Variants in PDE4B observed in about 807,000 individuals in gnomAD.
The protein encoded by PDE4B is phosphodiesterase 4B, also known as 3',5'-cyclic-AMP phosphodiesterase 4B.
PDE4B carries 20 observed loss-of-function variants against 82.2 expected under a neutral mutation model. The observed-to-expected ratio is 0.24, with a 90% confidence interval of 0.17 to 0.35. The LOEUF (loss-of-function observed/expected upper bound fraction) is 0.35, where lower values mean the gene tolerates loss of function less well. Ranked by LOEUF, PDE4B falls within the 10% of genes least tolerant of loss-of-function variation. The pLI, the probability that PDE4B is intolerant of heterozygous loss-of-function variation, is 1.00. For missense variants in PDE4B, 655 were observed against 907.2 expected (o/e 0.72, Z 3.57); for synonymous variants, 320 against 318.9 (o/e 1.00, Z -0.04).
intron 3 of PDE4B, among the ~76,000 whole-genome samples, chr1:66,076,953 A>T (rs1057148129): frequency 2.7e-5 from 4 of 149,536 alleles, no homozygotes; most frequent in Non-Finnish European, 6.0e-5. Flanking sequence ...ACTTTCCCTT[A>T]TTCTGTAAGT....
intron 3 of PDE4B, among the ~76,000 whole-genome samples, chr1:65,942,916 T>C (rs890912094): frequency 6.6e-6 from 1 of 152,054 alleles, no homozygotes; most frequent in African/African-American, 2.4e-5. Flanking sequence ...ATTAATCCCT[T>C]ATCAGCTGTG....
intron 1 of PDE4B, among the ~76,000 whole-genome samples, chr1:65,854,181 G>T (rs1646365856): frequency 6.6e-6 from 1 of 151,252 alleles, no homozygotes; most frequent in Admixed American, 6.6e-5. Flanking sequence ...AAGACTGTAT[G>T]TTTTGCTTAT....
At chr1:65,973,239 A>G (rs532024148) in intron 3 of PDE4B, among the ~76,000 whole-genome samples, 2 of 152,240 alleles carry the variant, frequency 1.3e-5, no homozygotes, top group South Asian at 2.1e-4. Flanking sequence ...ATGAATGTAG[A>G]TTTACTAATG....
At chr1:66,268,363 C>G (rs1655204075) in intron 7 of PDE4B, among the ~76,000 whole-genome samples, 1 of 152,092 alleles carries the variant, frequency 6.6e-6, no homozygotes, top group Admixed American at 6.5e-5. Context: ...CAAAGGAAAG[C>G]TCTCCATTTG....
chr1:65,878,462 C>T (rs1009096733), intron 1 of PDE4B, among the ~76,000 whole-genome samples: 1 of 152,154 alleles, frequency 6.6e-6, no homozygotes, highest in Non-Finnish European at 1.5e-5. Context: ...TTTACAATTG[C>T]AAATACTTGG....
At chr1:66,036,351 G>A (rs1379302825) in intron 3 of PDE4B, among the ~76,000 whole-genome samples, 1 of 151,968 alleles carries the variant, frequency 6.6e-6, no homozygotes, top group Non-Finnish European at 1.5e-5. Context: ...GTCTATTTTT[G>A]CTTTTATTGC....
At chr1:66,103,583 A>C (rs1347661885) in intron 3 of PDE4B, among the ~76,000 whole-genome samples, 1 of 152,156 alleles carries the variant, frequency 6.6e-6, no homozygotes, top group Non-Finnish European at 1.5e-5. Flanking sequence ...ACATCATGGC[A>C]ATCCTTTTAA....
intron 3 of PDE4B, among the ~76,000 whole-genome samples, chr1:66,162,605 T>C (rs1276632790): frequency 6.6e-6 from 1 of 152,120 alleles, no homozygotes; most frequent in Non-Finnish European, 1.5e-5. Flanking sequence ...TTTTGGATTT[T>C]TTTTCAGGTA....
At chr1:66,266,375 G>A (rs967957195) in intron 7 of PDE4B, among the ~76,000 whole-genome samples, 1 of 152,240 alleles carries the variant, frequency 6.6e-6, no homozygotes, top group African/African-American at 2.4e-5. Context: ...AGACAGAGTT[G>A]TATTGACAGT....
intron 3 of PDE4B, among the ~76,000 whole-genome samples, chr1:66,000,777 A>C (rs761247685): frequency 1.4e-4 from 22 of 152,194 alleles, no homozygotes; most frequent in Admixed American, 7.2e-4. Context: ...CTCAAAACTC[A>C]GCTTTATTGC....
At chr1:65,957,345 TTCTC>T (rs1348300359) in intron 3 of PDE4B, among the ~76,000 whole-genome samples, 1 of 152,132 alleles carries the variant, frequency 6.6e-6, no homozygotes, top group African/African-American at 2.4e-5. Flanking sequence ...TGACTGATCT[TTCTC>T]TCAGTAATTT....
chr1:66,274,848 A>G (rs182613532), intron 7 of PDE4B, among the ~76,000 whole-genome samples: 199 of 152,306 alleles, frequency 1.3e-3, no homozygotes, highest in Admixed American at 2.7e-3. Context: ...TCAGTAGAGA[A>G]CCACAACAGA....
intron 6 of PDE4B, among the ~76,000 whole-genome samples, chr1:66,261,329 C>A (rs535166265): frequency 6.6e-6 from 1 of 152,210 alleles, no homozygotes; most frequent in African/African-American, 2.4e-5. Flanking sequence ...ATGGATACAA[C>A]ATACAGAAAG....
intron 7 of PDE4B, among the ~76,000 whole-genome samples, chr1:66,273,459 G>GAT (rs1655655080): frequency 6.6e-6 from 1 of 152,348 alleles, no homozygotes; most frequent in Admixed American, 6.5e-5. Context: ...CCTGGGCCCT[G>GAT]ATATATACTA....
intron 3 of PDE4B, among the ~76,000 whole-genome samples, chr1:65,972,038 T>C (rs1461789790): frequency 1.3e-5 from 2 of 152,224 alleles, no homozygotes; most frequent in Non-Finnish European, 2.9e-5. Context: ...AATAACATCA[T>C]TTTTCCTAGG....
intron 3 of PDE4B, among the ~76,000 whole-genome samples, chr1:66,209,508 C>T (rs1392592163): frequency 1.3e-5 from 2 of 152,116 alleles, no homozygotes; most frequent in African/African-American, 2.4e-5. Flanking sequence ...CCCACCAGCA[C>T]GTAATTTTTA....
At chr1:66,303,091 C>CTAA (rs1557688892) in intron 7 of PDE4B, among the ~76,000 whole-genome samples, 1 of 152,074 alleles carries the variant, frequency 6.6e-6, no homozygotes, top group Non-Finnish European at 1.5e-5. Context: ...TACTTATTCA[C>CTAA]GAGTCATTCA....
At chr1:66,032,597 A>G (rs925524788) in intron 3 of PDE4B, among the ~76,000 whole-genome samples, 1 of 151,940 alleles carries the variant, frequency 6.6e-6, no homozygotes, top group Non-Finnish European at 1.5e-5. Flanking sequence ...ACTTTATTCC[A>G]TTGAGGGTAG....
At chr1:66,193,860 A>C (rs1349805195) in intron 3 of PDE4B, among the ~76,000 whole-genome samples, 1 of 152,102 alleles carries the variant, frequency 6.6e-6, no homozygotes, top group Non-Finnish European at 1.5e-5. Flanking sequence ...TGATAGAGTC[A>C]CTGAGCTGGA....
Sources: gnomAD v4.1 joint callset for allele counts (sites outside exome capture counted in the v4.1 genomes callset) on GRCh38, gnomAD v4.1.1 for gene constraint, MANE v1.5 for transcripts, NCBI Gene and HGNC (gene_info 2026-07-23, HGNC 2026-07-21) for gene names.